The following ESR1 variants were observed in gnomAD, a reference collection of about 807,000 sequenced individuals.
ESR1 encodes estrogen receptor.
A neutral mutation model predicts 52.7 loss-of-function variants in ESR1; 12 were observed. The ratio of observed to expected loss-of-function variants is 0.23; its 90% CI spans 0.15 to 0.37. ESR1 has a LOEUF of 0.37. Ranked by LOEUF, ESR1 falls within the 10% of genes least tolerant of loss-of-function variation. The pLI is 1.00. For synonymous variants in ESR1, 305 were observed against 316.8 expected (o/e 0.96, Z 0.39); for missense variants, 584 against 779.7 (o/e 0.75, Z 2.99).
In ESR1 at chr6:151,985,533, ACAC is replaced by A. The variant is rs150695007; in HGVS notation, c.1097-26122_1097-26120del. 7.4e-3 allele frequency among the ~76,000 whole-genome samples: 780 copies of A among 105,354 alleles called. 28 individuals carry two copies. The highest frequency in any genetic ancestry group is 0.029 in the African/African-American group (716 of 24,820). The allele number at this position is 105,354 out of a possible 152,430, so 69.1% of individuals were successfully genotyped here. ...AAAAAAAAAAAAAAAAAAAAAAAAA[ACAC>A]AAACAAAAAAAAAAAAGAAAAAGAA... On this transcript the variant is annotated intron_variant, in intron 4 of 7. Coordinates refer to ENST00000206249, the MANE Select transcript of ESR1 (RefSeq NM_000125.4).
chr6:151,817,379 A>T (rs576190345), intron 1 of ESR1, among the ~76,000 whole-genome samples: 1 of 152,320 alleles, frequency 6.6e-6, no homozygotes, highest in East Asian at 1.9e-4. Context: ...AGTCTTCAGG[A>T]TGGAGACATG....
At position 151,807,912 on chromosome 6, in the gene ESR1, C is replaced by G. The variant is rs1211466389; in HGVS notation, c.-1C>G. Reference sequence around the variant, plus strand: ...CTGCACCCTGCCCGCGGCCACGGACCATGACCATGACCCTCCACACCAAAG... The same window carrying G: ...CTGCACCCTGCCCGCGGCCACGGACGATGACCATGACCCTCCACACCAAAG... On this transcript the variant is annotated 5_prime_UTR_variant, in exon 1 of 8. Coordinates refer to ENST00000206249, the MANE Select transcript of ESR1 (RefSeq NM_000125.4). 1.9e-6 allele frequency: 3 copies of G among 1,613,430 alleles called. No homozygotes were observed. The highest frequency in any genetic ancestry group is 2.5e-6 in the Non-Finnish European group (3 of 1,179,710).
intron 4 of ESR1, among the ~76,000 whole-genome samples, chr6:151,988,420 G>A (rs1051828585): frequency 2.0e-5 from 3 of 152,082 alleles, no homozygotes; most frequent in African/African-American, 7.3e-5. Context: ...AGCAATGGGA[G>A]TGGCTGTAAA....
intron 2 of ESR1, among the ~76,000 whole-genome samples, chr6:151,845,433 G>A (rs1233411902): frequency 1.3e-5 from 2 of 152,136 alleles, no homozygotes; most frequent in African/African-American, 4.8e-5. Context: ...GCTGAGCGTG[G>A]TGGTGCACAC....
intron 2 of ESR1, among the ~76,000 whole-genome samples, chr6:151,733,749 C>A (rs1464552641): frequency 1.3e-5 from 2 of 152,090 alleles, no homozygotes; most frequent in African/African-American, 4.8e-5. Context: ...TGAGAAAAAA[C>A]AATGATGTGA....
At chr6:151,695,470 C>G (rs972885838) in intron 1 of ESR1, among the ~76,000 whole-genome samples, 3 of 152,142 alleles carry the variant, frequency 2.0e-5, no homozygotes, top group Non-Finnish European at 4.4e-5. Flanking sequence ...GTGCCACTGG[C>G]TTTTTGACAT....
intron 1 of ESR1, among the ~76,000 whole-genome samples, chr6:151,695,551 G>C (rs1562335518): frequency 2.0e-5 from 3 of 152,108 alleles, no homozygotes; most frequent in South Asian, 4.2e-4. Flanking sequence ...TCCTCCCCTA[G>C]ATTGGTTCAG....
intron 2 of ESR1, among the ~76,000 whole-genome samples, chr6:151,731,595 A>T (rs1193365158): frequency 6.6e-6 from 1 of 152,050 alleles, no homozygotes; most frequent in East Asian, 1.9e-4. Context: ...GACACATATA[A>T]ACCCTCAGAG....
At position 151,807,819 on chromosome 6, in the gene ESR1, C is replaced by A; in HGVS notation, c.-94C>A. ...GGGACATGCGCTGCGTCGCCTCTAA[C>A]CTCGGGCTGTGCTCTTTTTCCAGGT... On this transcript the variant is annotated 5_prime_UTR_variant, in exon 1 of 8. Coordinates refer to ENST00000206249, the MANE Select transcript of ESR1 (RefSeq NM_000125.4). 1 of 1,156,172 alleles carries A rather than the reference C, an allele frequency of 8.6e-7. No individual in the cohort carries two copies. Among genetic ancestry groups the A allele is most frequent in the Non-Finnish European group, 1.3e-6 (1 of 791,872 alleles). The allele number at this position is 1,156,172 out of a possible 1,614,324, so 71.6% of individuals were successfully genotyped here.
At chr6:152,086,412 ATTT>A (rs1002391234) in intron 6 of ESR1, among the ~76,000 whole-genome samples, 15 of 148,118 alleles carry the variant, frequency 1.0e-4, no homozygotes, top group Non-Finnish European at 1.8e-4. Flanking sequence ...AATAAATAAT[ATTT>A]ATTTTATTAT....
At chr6:151,923,906 G>A (rs1400360279) in intron 3 of ESR1, among the ~76,000 whole-genome samples, 4 of 152,138 alleles carry the variant, frequency 2.6e-5, no homozygotes, top group African/African-American at 4.8e-5. Context: ...CAAAATAGCT[G>A]TACCATTTTG....
intron 6 of ESR1, among the ~76,000 whole-genome samples, chr6:152,111,940 C>A (rs2051151301): frequency 6.6e-6 from 1 of 152,234 alleles, no homozygotes; most frequent in Non-Finnish European, 1.5e-5. Context: ...ATCAATTCAT[C>A]TTTGAATTTA....
At chr6:151,932,957 G>A (rs1283178347) in intron 3 of ESR1, among the ~76,000 whole-genome samples, 2 of 151,494 alleles carry the variant, frequency 1.3e-5, no homozygotes, top group Non-Finnish European at 2.9e-5. Flanking sequence ...GGTTCCATAT[G>A]AACTTTAAAG....
rs1352812932 is a variant in ESR1, at chr6:151,826,365, C to T, written c.453-16232C>T. The stretch of plus-strand genomic sequence containing the variant: ...AGAGATTTTAGGTTGCTTCTGATTC[C>T]GCTGTCTAGACAAAACCATGAGAGG... On this transcript the variant is annotated intron_variant, in intron 1 of 7. Transcript: ENST00000206249. Among the ~76,000 whole-genome samples, 15 of 152,112 alleles carry T rather than the reference C, an allele frequency of 9.9e-5. No homozygotes were observed. The South Asian group carries it at 1.7e-3, about 17-fold the overall frequency.
chr6:152,107,208 C>G (rs2051077779), downstream of ESR1, among the ~76,000 whole-genome samples: 1 of 152,180 alleles, frequency 6.6e-6, no homozygotes, highest in African/African-American at 2.4e-5. Flanking sequence ...TCTCCCCTCC[C>G]TTGCTGAGAC....
intron 5 of ESR1, among the ~76,000 whole-genome samples, chr6:152,043,905 T>C (rs2046010024): frequency 6.6e-6 from 1 of 152,214 alleles, no homozygotes; most frequent in Non-Finnish European, 1.5e-5. Flanking sequence ...GCCACTCACA[T>C]GATAAGAGCT....
chr6:152,012,659 A>G (rs1397408280), intron 5 of ESR1, among the ~76,000 whole-genome samples: 1 of 152,210 alleles, frequency 6.6e-6, no homozygotes, highest in South Asian at 2.1e-4. Flanking sequence ...TGCTGGGCAC[A>G]TGGTCTTCCC....
downstream of ESR1, among the ~76,000 whole-genome samples, chr6:152,107,789 C>G (rs1189390824): frequency 6.6e-6 from 1 of 152,150 alleles, no homozygotes; most frequent in Non-Finnish European, 1.5e-5. Context: ...TTAAATAACT[C>G]ACCTGAATTA....
chr6:151,781,147 T>G (rs655459), intron 2 of ESR1, among the ~76,000 whole-genome samples: 96,086 of 152,122 alleles, frequency 0.63, 30,883 homozygotes, highest in African/African-American at 0.74. Flanking sequence ...GAGACTCAAA[T>G]ATATTAATTA....
Sources: gnomAD v4.1 joint callset for allele counts (sites outside exome capture counted in the v4.1 genomes callset) on GRCh38, gnomAD v4.1.1 for gene constraint, MANE v1.5 for transcripts, NCBI Gene and HGNC (gene_info 2026-07-23, HGNC 2026-07-21) for gene names.